Variants in PIGL observed in about 807,000 individuals in gnomAD.
PIGL encodes the protein phosphatidylinositol glycan anchor biosynthesis class L.
Under a neutral mutation model 31.1 loss-of-function variants are expected in PIGL, and 22 were observed. The observed-to-expected ratio is 0.71, with a 90% CI of 0.51 to 1.01. The LOEUF is 1.01. Among genes scored for constraint, PIGL ranks in the 50% least tolerant of loss-of-function variants. PIGL has a pLI of 0.00. For synonymous variants in PIGL, 131 were observed against 117.4 expected (o/e 1.12, Z -0.75); for missense variants, 302 against 315.9 (o/e 0.96, Z 0.33).
intron 2 of PIGL, among the ~76,000 whole-genome samples, chr17:16,248,178 G>A (rs767929186): frequency 1.1e-4 from 17 of 152,272 alleles, no homozygotes; most frequent in South Asian, 2.1e-4. Context: ...GAGCCACTGC[G>A]CCCAGCCTCA....
chr17:16,255,711 C>T (rs1000264246), intron 2 of PIGL, among the ~76,000 whole-genome samples: 5 of 152,214 alleles, frequency 3.3e-5, no homozygotes, highest in African/African-American at 1.2e-4. Context: ...CGCGTCCTCT[C>T]ACTCTAAGAG....
intron 2 of PIGL, among the ~76,000 whole-genome samples, chr17:16,258,627 C>T (rs756309652): frequency 5.3e-5 from 8 of 152,020 alleles, no homozygotes; most frequent in South Asian, 2.1e-4. Flanking sequence ...CCTCAGCCTC[C>T]GGAGTAGCTA....
intron 2 of PIGL, among the ~76,000 whole-genome samples, chr17:16,276,800 A>G (rs1009072224): frequency 6.6e-6 from 1 of 152,250 alleles, no homozygotes; most frequent in African/African-American, 2.4e-5. Flanking sequence ...TTTTTGAAAC[A>G]TAACGTTTTT....
At chr17:16,258,100 AGAAAGAGAG>A (rs2092803175) in intron 2 of PIGL, among the ~76,000 whole-genome samples, 2 of 123,182 alleles carry the variant, frequency 1.6e-5, no homozygotes, top group African/African-American at 6.2e-5. Context: ...AGAGAGAGAG[AGAAAGAGAG>A]AGAGAGAGAG....
At chr17:16,230,921 A>G (rs995039154) in intron 1 of PIGL, among the ~76,000 whole-genome samples, 1 of 152,120 alleles carries the variant, frequency 6.6e-6, no homozygotes, top group African/African-American at 2.4e-5. Flanking sequence ...CCAAATTCAT[A>G]TAGTTAGTAA....
At chr17:16,311,439 T>TAAAGCCCAA (rs1243176365) in intron 3 of PIGL, among the ~76,000 whole-genome samples, 1 of 131,612 alleles carries the variant, frequency 7.6e-6, no homozygotes, top group African/African-American at 2.9e-5. Context: ...CAATAAGTGG[T>TAAAGCCCAA]AAAGCCCAAA....
intron 2 of PIGL, among the ~76,000 whole-genome samples, chr17:16,262,036 G>A (rs549788176): frequency 2.6e-5 from 4 of 151,990 alleles, no homozygotes; most frequent in Non-Finnish European, 4.4e-5. Flanking sequence ...CAGCCTGGTC[G>A]ACATGGTGAA....
At chr17:16,301,084 A>T (rs947461824) in intron 3 of PIGL, among the ~76,000 whole-genome samples, 7 of 152,166 alleles carry the variant, frequency 4.6e-5, no homozygotes, top group African/African-American at 1.4e-4. Context: ...TTAAGTTTTG[A>T]TTAAGTTCTC....
chr17:16,305,054 A>G (rs746416238), intron 3 of PIGL, among the ~76,000 whole-genome samples: 11 of 151,940 alleles, frequency 7.2e-5, no homozygotes, highest in Non-Finnish European at 4.4e-5. Flanking sequence ...TGGGAGGCTC[A>G]AGCAGGGGGT....
In PIGL at chr17:16,325,357, G is replaced by A. The variant is rs201080211; in HGVS notation, c.661-443G>A. On this transcript the variant is annotated intron_variant, in intron 6 of 6. Coordinates refer to ENST00000225609, the MANE Select transcript of PIGL (RefSeq NM_004278.4). ...CAAAAAAAAAAAAAAAAAAAAAAAA[G>A]AATGTGGACTCTAGAATCAATCAGT... Among the ~76,000 whole-genome samples, 81 of 106,700 alleles carry A rather than the reference G, an allele frequency of 7.6e-4. 1 individual carries two copies. Among genetic ancestry groups the A allele is most frequent in the African/African-American group, 2.7e-3 (74 of 26,984 alleles). The allele number at this position is 106,700 out of a possible 152,430, so 70.0% of individuals were successfully genotyped here. A position where few individuals can be genotyped will look rare whatever the true frequency, so the allele number is the denominator to read the frequency against.
intron 2 of PIGL, among the ~76,000 whole-genome samples, chr17:16,266,644 G>A (rs1303447330): frequency 6.6e-6 from 1 of 151,710 alleles, no homozygotes; most frequent in African/African-American, 2.4e-5. Context: ...TGCCCAAGGT[G>A]GAGTGCAGTG....
At chr17:16,283,300 G>A (rs1435597136) in intron 2 of PIGL, among the ~76,000 whole-genome samples, 1 of 152,072 alleles carries the variant, frequency 6.6e-6, no homozygotes, top group African/African-American at 2.4e-5. Flanking sequence ...ACTGTGCCTG[G>A]CCAAAACAAT....
chr17:16,241,260 T>C lies in PIGL; in HGVS notation c.335+7190T>C, dbSNP rs1316435842. On this transcript the variant is annotated intron_variant, in intron 2 of 6. Transcript: ENST00000225609. Reference sequence around the variant, plus strand: ...AGGAGAATTGGGTATGAAGAGATAATAAATTAGGCATCTTTAGCATATGGG... The same window carrying C: ...AGGAGAATTGGGTATGAAGAGATAACAAATTAGGCATCTTTAGCATATGGG... Among the ~76,000 whole-genome samples the C allele has an allele frequency of 4.6e-5, 7 of 150,904 alleles. No homozygotes were observed. The Admixed American group carries it at 4.6e-4, about 10-fold the overall frequency.
chr17:16,290,025 C>T (rs1297732998), intron 2 of PIGL, among the ~76,000 whole-genome samples: 1 of 152,118 alleles, frequency 6.6e-6, no homozygotes, highest in Non-Finnish European at 1.5e-5. Flanking sequence ...ATCCGCCCAC[C>T]TTGGCCTCCC....
intron 2 of PIGL, among the ~76,000 whole-genome samples, chr17:16,247,713 G>A (rs1407429337): frequency 6.6e-6 from 1 of 152,168 alleles, no homozygotes; most frequent in Non-Finnish European, 1.5e-5. Flanking sequence ...TAGCTCTGTT[G>A]TCTGGTCCTG....
intron 1 of PIGL, among the ~76,000 whole-genome samples, chr17:16,233,734 G>A (rs2092688196): frequency 6.6e-6 from 1 of 151,984 alleles, no homozygotes; most frequent in South Asian, 2.1e-4. Context: ...CAGACAGATA[G>A]GTATATAGAT....
intron 1 of PIGL, among the ~76,000 whole-genome samples, chr17:16,230,489 G>T (rs747312401): frequency 2.6e-5 from 4 of 152,166 alleles, no homozygotes; most frequent in Admixed American, 1.3e-4. Context: ...TTTTATAGGG[G>T]AAGAAACTTG....
chr17:16,217,611 G>T, intron 1 of PIGL, 150 bp downstream of exon 1: 1 of 619,946 alleles, frequency 1.6e-6, no homozygotes, highest in South Asian at 2.3e-5. Flanking sequence ...ACAGCCTAGG[G>T]ACAGGAGCGG....
At chr17:16,240,626 G>A (rs534214394) in intron 2 of PIGL, among the ~76,000 whole-genome samples, 26 of 151,718 alleles carry the variant, frequency 1.7e-4, no homozygotes, top group East Asian at 9.8e-4. Flanking sequence ...TCAGCCTCCC[G>A]AGTAACTGGG....
Sources: allele counts gnomAD v4.1 joint callset (sites outside exome capture counted in the v4.1 genomes callset), GRCh38; gene constraint gnomAD v4.1.1; transcripts MANE v1.5; gene names NCBI Gene and HGNC (gene_info 2026-07-23, HGNC 2026-07-21).